Variants in ZNF541 observed in about 807,000 individuals in gnomAD.
The protein encoded by ZNF541 is zinc finger protein 541.
A neutral mutation model predicts 123.5 loss-of-function variants in ZNF541; 23 were observed. The ratio of observed to expected loss-of-function variants is 0.19; its 90% CI spans 0.13 to 0.26. The LOEUF is 0.26. ZNF541 is among the 10% of genes least tolerant of loss of function. The pLI is 1.00. For missense variants in ZNF541, 1,612 were observed against 1,789.9 expected (o/e 0.90, Z 1.79); for synonymous variants, 751 against 754.5 (o/e 1.00, Z 0.08).
At chr19:47,547,983 G>A (rs1392647356) in intron 4 of ZNF541, among the ~76,000 whole-genome samples, 3 of 150,082 alleles carry the variant, frequency 2.0e-5, no homozygotes, top group African/African-American at 4.9e-5. Context: ...GAGGCTTGCA[G>A]TGAGCTGAGA....
chr19:47,563,114 T>C (rs1971130435), intron 2 of ZNF541, among the ~76,000 whole-genome samples: 1 of 152,238 alleles, frequency 6.6e-6, no homozygotes, highest in African/African-American at 2.4e-5. Context: ...GTTATATGTC[T>C]ACCTGCCTGT....
At chr19:47,562,269 C>T (rs1336426338) in intron 2 of ZNF541, among the ~76,000 whole-genome samples, 5 of 145,346 alleles carry the variant, frequency 3.4e-5, no homozygotes, top group Admixed American at 1.4e-4. Context: ...ACAGGCCAGG[C>T]GCGCTGGCTC....
intron 2 of ZNF541, among the ~76,000 whole-genome samples, chr19:47,560,033 T>C (rs1970997044): frequency 6.6e-6 from 1 of 151,984 alleles, no homozygotes; most frequent in Non-Finnish European, 1.5e-5. Context: ...CAAAGAACAG[T>C]GGTTGTCTGT....
intron 5 of ZNF541, among the ~76,000 whole-genome samples, chr19:47,542,444 T>G (rs577833935): frequency 5.3e-5 from 8 of 150,914 alleles, no homozygotes; most frequent in Non-Finnish European, 1.2e-4. Context: ...TCACCTGAGG[T>G]CAGGAAAGAC....
intron 1 of ZNF541, among the ~76,000 whole-genome samples, chr19:47,572,735 T>TG (rs1172601145): frequency 1.4e-4 from 4 of 29,124 alleles, no homozygotes; most frequent in Non-Finnish European, 2.9e-4. Context: ...CGGCGCGAGC[T>TG]GGGGGGCTGC....
At chr19:47,534,733 G>A (rs1459258913) in intron 9 of ZNF541, among the ~76,000 whole-genome samples, 2 of 151,948 alleles carry the variant, frequency 1.3e-5, no homozygotes, top group African/African-American at 4.8e-5. Flanking sequence ...ACTGGCATAA[G>A]GATAAGTATA....
chr19:47,540,345 A>G lies in ZNF541; in HGVS notation c.2463-10T>C, dbSNP rs1017575522. 2 of 1,547,218 alleles carry G rather than the reference A, an allele frequency of 1.3e-6. No homozygotes were observed. The highest frequency in any genetic ancestry group is 1.2e-5 in the South Asian group (1 of 83,594). The stretch of plus-strand genomic sequence containing the variant: ...GCCGTTTTGCTGGTTACTGTGGGAC[A>G]TGGCAGGAAAGAAGAGTGGGAGATT... On this transcript the variant is annotated splice_polypyrimidine_tract_variant and intron_variant, in intron 6 of 16. Coordinates refer to ENST00000391901, the MANE Select transcript of ZNF541 (RefSeq NM_001277075.3).
chr19:47,564,276 G>A (rs1250724651), intron 2 of ZNF541, among the ~76,000 whole-genome samples: 1 of 152,220 alleles, frequency 6.6e-6, no homozygotes, highest in Non-Finnish European at 1.5e-5. Context: ...AAACTGGTCA[G>A]GTTACAACCT....
chr19:47,529,083 G>C, intron 13 of ZNF541, 45 bp from the exon 14 acceptor site: 2 of 1,416,062 alleles, frequency 1.4e-6, no homozygotes, highest in Non-Finnish European at 1.9e-6. Flanking sequence ...TTTGTCCTGG[G>C]ACCACAGCCA....
Position 47,545,086 on chromosome 19 carries a change from G to T in ZNF541, c.1443C>A (p.Val481=). 6.8e-7 allele frequency: 1 copy of T among 1,477,702 alleles called. No individual in the cohort carries two copies. Among genetic ancestry groups the T allele is most frequent in the Non-Finnish European group, 8.9e-7 (1 of 1,117,796 alleles). The allele number at this position is 1,477,702 out of a possible 1,614,324, so 91.5% of individuals were successfully genotyped here. A position where few individuals can be genotyped will look rare whatever the true frequency, so the allele number is the denominator to read the frequency against. Residue 481 remains valine (V), a synonymous_variant, in exon 5 of 17, where the codon GTC becomes GTA. Transcript: ENST00000391901. The surrounding 1 kb of genome is among the most constrained non-coding windows in gnomAD (Gnocchi z 7.5). The part of the protein sequence containing the change: ...ALPFPAALLR[V]PAEAPSDPRS... ...TGGGGTCGCTCGGGGCCTCCGCGGGGACCCTGAGGAGCGCGGCAGGGAAGG... is the reference window on the plus strand; with the variant it reads ...TGGGGTCGCTCGGGGCCTCCGCGGGTACCCTGAGGAGCGCGGCAGGGAAGG...
Position 47,545,118 on chromosome 19 carries a change from C to A in ZNF541, c.1411G>T (p.Ala471Ser), listed in dbSNP as rs899512590. 3.4e-6 allele frequency: 5 copies of A among 1,482,984 alleles called. No homozygotes were observed. Among genetic ancestry groups the A allele is most frequent in the Admixed American group, 4.6e-5 (2 of 43,462 alleles). The allele number at this position is 1,482,984 out of a possible 1,614,324, so 91.9% of individuals were successfully genotyped here. Residue 471 changes from alanine (A) to serine (S), a missense_variant, in exon 5 of 17, where the codon GCT becomes TCT. Physicochemically the swap from Ala to Ser is moderately conservative, Grantham distance 99 (BLOSUM62 1). Coordinates refer to ENST00000391901, the MANE Select transcript of ZNF541 (RefSeq NM_001277075.3). The surrounding 1 kb of genome is among the most constrained non-coding windows in gnomAD (Gnocchi z 7.5). Reference protein sequence around the residue: ...PPGPGGGLEDALPFPAALLRV... With the variant: ...PPGPGGGLEDSLPFPAALLRV... Reference sequence around the variant, plus strand: ...AGGAGCGCGGCAGGGAAGGGCAGAGCATCCTCCAGGCCACCGCCGGGGCCG... The same window carrying A: ...AGGAGCGCGGCAGGGAAGGGCAGAGAATCCTCCAGGCCACCGCCGGGGCCG...
At chr19:47,546,267 G>A (rs1342680675) in intron 4 of ZNF541, among the ~76,000 whole-genome samples, 1 of 151,678 alleles carries the variant, frequency 6.6e-6, no homozygotes, top group Non-Finnish European at 1.5e-5. Context: ...CAGCACTTTG[G>A]GAGGCCGAGG....
At chr19:47,555,012 T>C (rs958209669) in intron 3 of ZNF541, among the ~76,000 whole-genome samples, 5 of 149,778 alleles carry the variant, frequency 3.3e-5, no homozygotes, top group African/African-American at 9.9e-5. Flanking sequence ...GAGAATTGCT[T>C]GAACCCGGAA....
At chr19:47,548,458 A>AG (rs965657122) in intron 4 of ZNF541, among the ~76,000 whole-genome samples, 5 of 150,328 alleles carry the variant, frequency 3.3e-5, no homozygotes, top group African/African-American at 7.4e-5. Context: ...AAAAAAAAAA[A>AG]AAAGAAAAAA....
In ZNF541 at chr19:47,544,755, G is replaced by T; in HGVS notation, c.1774C>A (p.Pro592Thr). ...TGCTGCGGCCACGGCCCCTGCAGCG[G>T]CCTCAGGGCGGCTGGTTTGCCCTCG... ...APEGKPAALR[P>T]LQGPWPQQPP... is the part of the protein sequence containing the mutation. The change falls in exon 5 of 17, where the codon CCG becomes ACG. Residue 592 changes from proline to threonine, a missense_variant. Coordinates refer to ENST00000391901, the MANE Select transcript of ZNF541 (RefSeq NM_001277075.3). 1 of 1,502,928 alleles carries T rather than the reference G, an allele frequency of 6.7e-7. No individual in the cohort carries two copies. The highest frequency in any genetic ancestry group is 8.9e-7 in the Non-Finnish European group (1 of 1,128,374). 93.1% of individuals were successfully genotyped at this position (1,502,928 alleles called of 1,614,324 possible). A position where few individuals can be genotyped will look rare whatever the true frequency, so the allele number is the denominator to read the frequency against.
At position 47,532,280 on chromosome 19, in the gene ZNF541, G is replaced by T. The variant is rs1400543250; in HGVS notation, c.3159-10C>A. The T allele has an allele frequency of 6.4e-7, 1 of 1,551,716 alleles. No individual in the cohort carries two copies. Among genetic ancestry groups the T allele is most frequent in the East Asian group, 2.4e-5 (1 of 40,902 alleles). On this transcript the variant is annotated splice_polypyrimidine_tract_variant and intron_variant, in intron 10 of 16. Coordinates refer to ENST00000391901, the MANE Select transcript of ZNF541 (RefSeq NM_001277075.3). The stretch of plus-strand genomic sequence containing the variant: ...TCCTATATTGATATGTCTGAAATGA[G>T]GCCACACACAGATAAGGGAGACGTA...
chr19:47,555,845 G>A lies in ZNF541; in HGVS notation c.12C>T (p.Tyr4=), dbSNP rs189188182. Residue 4 remains tyrosine, a synonymous_variant, in exon 3 of 17, where the codon TAC becomes TAT. Coordinates refer to ENST00000391901, the MANE Select transcript of ZNF541 (RefSeq NM_001277075.3). MDQ[Y]SLGDEGALPS... ...GGAGGGCACCCTCGTCTCCAAGGCT[G>A]TACTGGTCCATGGCTCTCCACTGCC... 1.1e-3 allele frequency: 1,718 copies of A among 1,550,244 alleles called. 2 individuals are homozygous for A. The highest frequency in any genetic ancestry group is 1.2e-3 in the Non-Finnish European group (1,355 of 1,146,246).
chr19:47,546,518 C>T (rs368461062), intron 4 of ZNF541, among the ~76,000 whole-genome samples: 7 of 137,538 alleles, frequency 5.1e-5, no homozygotes, highest in African/African-American at 1.6e-4. Flanking sequence ...TCTCAATAAA[C>T]AAACAAACAA....
chr19:47,534,476 C>T (rs1969724822), intron 9 of ZNF541, among the ~76,000 whole-genome samples: 1 of 152,072 alleles, frequency 6.6e-6, no homozygotes, highest in South Asian at 2.1e-4. Context: ...CATAACAAAA[C>T]CCCGTCTCTA....
Sources: allele counts gnomAD v4.1 joint callset (sites outside exome capture counted in the v4.1 genomes callset), GRCh38; gene constraint gnomAD v4.1.1; non-coding constraint Gnocchi (gnomAD v3.1); transcripts MANE v1.5; gene names NCBI Gene and HGNC (gene_info 2026-07-23, HGNC 2026-07-21).